Variants in FRMD4A observed in about 807,000 individuals in gnomAD.
FRMD4A encodes FERM domain containing 4A, also known as FERM domain-containing protein 4A.
In FRMD4A, 29 loss-of-function variants were observed where a neutral mutation model predicts 129.1. That is an observed-to-expected ratio of 0.22 (90% CI 0.17 to 0.31). The LOEUF is 0.31. Ranked by LOEUF, FRMD4A falls within the 10% of genes least tolerant of loss-of-function variation. The pLI, the probability that FRMD4A is intolerant of heterozygous loss-of-function variation, is 1.00. For synonymous variants in FRMD4A, 634 were observed against 571.6 expected, an observed-to-expected ratio of 1.11 and a Z score of -1.56; for missense variants, 1,272 against 1,375.8, an observed-to-expected ratio of 0.92 and a Z score of 1.19.
At chr10:13,676,021 T>C (rs1589316829) in intron 15 of FRMD4A, 2 of 152,232 alleles carry the variant, frequency 1.3e-5, no homozygotes, top group South Asian at 4.1e-4. Flanking sequence ...ATGATTCAAA[T>C]AGCAGAGTGC....
At chr10:13,721,623 G>A (rs1054840286) in intron 12 of FRMD4A, among the ~76,000 whole-genome samples, 1 of 152,318 alleles carries the variant, frequency 6.6e-6, no homozygotes, top group Admixed American at 6.5e-5. Flanking sequence ...CACTAGGGCC[G>A]TCTTCTCACA....
chr10:13,724,717 A>G (rs1031552225), intron 12 of FRMD4A, among the ~76,000 whole-genome samples: 21 of 152,200 alleles, frequency 1.4e-4, no homozygotes, highest in African/African-American at 4.6e-4. Flanking sequence ...GTTTATTTGC[A>G]TGTTATAAAT....
chr10:13,747,116 G>A (rs1165820588), intron 9 of FRMD4A, among the ~76,000 whole-genome samples: 1 of 151,886 alleles, frequency 6.6e-6, no homozygotes, highest in African/African-American at 2.4e-5. Context: ...CACATGAAAG[G>A]CTCTCGAAGG....
In FRMD4A at chr10:13,997,624, C is replaced by CTT. The variant is rs775846641; in HGVS notation, c.46-138714_46-138713dup. Among the ~76,000 whole-genome samples, 595 of 86,162 alleles carry CTT rather than the reference C, an allele frequency of 6.9e-3. 6 individuals carry two copies. Among genetic ancestry groups the CTT allele is most frequent in the African/African-American group, 9.5e-3 (278 of 29,162 alleles). 56.5% of individuals were successfully genotyped at this position (86,162 alleles called of 152,430 possible). A position where few individuals can be genotyped will look rare whatever the true frequency, so the allele number is the denominator to read the frequency against. On this transcript the variant is annotated intron_variant, in intron 2 of 24. Coordinates refer to ENST00000357447, the MANE Select transcript of FRMD4A (RefSeq NM_018027.5). ...CATGGCAATTCTTTTCTTTTCTTTTCTTTTTTTTTTTTTTTTGAGATAATA... is the reference window on the plus strand; with the variant it reads ...CATGGCAATTCTTTTCTTTTCTTTTCTTTTTTTTTTTTTTTTTTGAGATAATA...
chr10:14,261,139 A>T (rs1043172191), intron 2 of FRMD4A, among the ~76,000 whole-genome samples: 4 of 152,202 alleles, frequency 2.6e-5, no homozygotes, highest in Non-Finnish European at 5.9e-5. Flanking sequence ...GGTAGTACCC[A>T]ATCCTTCCTT....
intron 3 of FRMD4A, among the ~76,000 whole-genome samples, chr10:13,819,111 G>C (rs904702341): frequency 4.1e-5 from 6 of 145,446 alleles, no homozygotes; most frequent in African/African-American, 1.5e-4. Context: ...CTGGGTGACA[G>C]AGTGAGACTC....
At chr10:13,938,571 T>C (rs2131303492) in intron 2 of FRMD4A, among the ~76,000 whole-genome samples, 1 of 152,268 alleles carries the variant, frequency 6.6e-6, no homozygotes, top group South Asian at 2.1e-4. Context: ...TGAACTACTT[T>C]TTGCTCTGTT....
At position 13,689,404 on chromosome 10, in the gene FRMD4A, C is replaced by T. The variant is rs116247716; in HGVS notation, c.1117+4494G>A. ...GATGGATACTACTGCAGGACACTGA[C>T]GTGACACAAACTTTAAAGGTCTCAT... On this transcript the variant is annotated intron_variant, in intron 15 of 24. Coordinates refer to ENST00000357447, the MANE Select transcript of FRMD4A (RefSeq NM_018027.5). 2.0e-3 allele frequency among the ~76,000 whole-genome samples: 311 copies of T among 151,946 alleles called. 1 individual carries two copies. The highest frequency in any genetic ancestry group is 7.4e-3 in the African/African-American group (305 of 41,424).
intron 4 of FRMD4A, among the ~76,000 whole-genome samples, chr10:13,805,140 T>C (rs1223855829): frequency 6.6e-6 from 1 of 152,126 alleles, no homozygotes; most frequent in Non-Finnish European, 1.5e-5. Flanking sequence ...CGTTTTCTTT[T>C]CTTTCTTTTT....
Position 13,854,646 on chromosome 10 carries a change from G to A in FRMD4A, c.111+4201C>T, listed in dbSNP as rs181873933. Among the ~76,000 whole-genome samples, 673 of 149,764 alleles carry A rather than the reference G, an allele frequency of 4.5e-3. 3 individuals are homozygous for A. Among genetic ancestry groups the A allele is most frequent in the African/African-American group, 0.015 (624 of 40,670 alleles). ...AGGGTTTCACCATGTTGGCCAGGCT[G>A]GTCTCGAACTCCTGACCTCAAGTGA... On this transcript the variant is annotated intron_variant, in intron 3 of 24. Coordinates refer to ENST00000357447, the MANE Select transcript of FRMD4A (RefSeq NM_018027.5).
chr10:14,215,581 G>A (rs1373031555), intron 2 of FRMD4A, among the ~76,000 whole-genome samples: 1 of 152,054 alleles, frequency 6.6e-6, no homozygotes, highest in Non-Finnish European at 1.5e-5. Context: ...GGAAGTGGGG[G>A]GAAAAGCAAA....
chr10:14,308,587 C>T (rs1000251220), intron 2 of FRMD4A, among the ~76,000 whole-genome samples: 1 of 152,122 alleles, frequency 6.6e-6, no homozygotes, highest in Admixed American at 6.5e-5. Context: ...TTCCCCTGGC[C>T]CCTATACATG....
At chr10:13,671,799 C>T (rs1351411928) in intron 16 of FRMD4A, among the ~76,000 whole-genome samples, 2 of 152,252 alleles carry the variant, frequency 1.3e-5, no homozygotes, top group Admixed American at 6.5e-5. Context: ...ACCAACTGTG[C>T]ATCTGTCTCT....
intron 2 of FRMD4A, among the ~76,000 whole-genome samples, chr10:14,226,052 T>C (rs1378761252): frequency 1.3e-5 from 2 of 152,202 alleles, no homozygotes; most frequent in Non-Finnish European, 2.9e-5. Context: ...AGATTTGAAG[T>C]AAGTGTCCAA....
chr10:13,811,765 A>G (rs1274208808), intron 3 of FRMD4A, among the ~76,000 whole-genome samples: 1 of 152,086 alleles, frequency 6.6e-6, no homozygotes, highest in Non-Finnish European at 1.5e-5. Flanking sequence ...GCCGGAAGAG[A>G]AGAGTTATTT....
chr10:14,072,758 T>C, intron 2 of FRMD4A, among the ~76,000 whole-genome samples: 1 of 152,192 alleles, frequency 6.6e-6, no homozygotes, highest in Non-Finnish European at 1.5e-5. Context: ...TGAGATTCCA[T>C]ATCAGTACAT....
chr10:13,915,277 C>T (rs1025793867), intron 2 of FRMD4A, among the ~76,000 whole-genome samples: 19 of 151,944 alleles, frequency 1.3e-4, no homozygotes, highest in African/African-American at 2.2e-4. Flanking sequence ...AGTGGGAAGG[C>T]GGGGGCTAGC....
At chr10:14,272,421 C>T (rs1845193418) in intron 2 of FRMD4A, among the ~76,000 whole-genome samples, 1 of 152,202 alleles carries the variant, frequency 6.6e-6, no homozygotes, top group Non-Finnish European at 1.5e-5. Context: ...ACCGTCATCC[C>T]TTTCACTGAC....
intron 2 of FRMD4A, among the ~76,000 whole-genome samples, chr10:14,171,236 T>C (rs957077282): frequency 1.4e-4 from 22 of 152,206 alleles, no homozygotes; most frequent in Admixed American, 3.3e-4. Context: ...CTTGCTTTTT[T>C]CACCCCTGCC....
Sources: allele counts gnomAD v4.1 joint callset (sites outside exome capture counted in the v4.1 genomes callset), GRCh38; gene constraint gnomAD v4.1.1; transcripts MANE v1.5; gene names NCBI Gene and HGNC (gene_info 2026-07-23, HGNC 2026-07-21).